Variants in WWOX observed in about 807,000 individuals in gnomAD.
The protein encoded by WWOX is WW domain containing oxidoreductase.
WWOX carries 69 observed loss-of-function variants against 46.2 expected under a neutral mutation model. The ratio of observed to expected loss-of-function variants is 1.49; its 90% CI spans 1.23 to 1.82. The LOEUF (loss-of-function observed/expected upper bound fraction) is 1.82. Among genes scored for constraint, WWOX ranks in the 40% most tolerant of loss-of-function variants. WWOX has a pLI of 0.00. For synonymous variants in WWOX, 359 were observed against 202.6 expected, an observed-to-expected ratio of 1.77 and a Z score of -6.56; for missense variants, 919 against 542.6, an observed-to-expected ratio of 1.69 and a Z score of -6.89.
chr16:78,369,963 T>A (rs925381789), intron 5 of WWOX, among the ~76,000 whole-genome samples: 2 of 151,722 alleles, frequency 1.3e-5, no homozygotes, highest in African/African-American at 4.8e-5. Context: ...TGAAACCCCA[T>A]CTCTACTAAA....
intron 8 of WWOX, among the ~76,000 whole-genome samples, chr16:79,152,284 G>A (rs1172008172): frequency 1.3e-5 from 2 of 152,164 alleles, no homozygotes; most frequent in African/African-American, 2.4e-5. Context: ...TGGACCATGC[G>A]ATGGGGAATG....
At chr16:78,642,882 C>T (rs998822890) in intron 8 of WWOX, among the ~76,000 whole-genome samples, 2 of 152,114 alleles carry the variant, frequency 1.3e-5, no homozygotes, top group Non-Finnish European at 1.5e-5. Context: ...AATCCTACTG[C>T]CAAATTATGG....
intron 5 of WWOX, among the ~76,000 whole-genome samples, chr16:78,320,343 A>G (rs918537065): frequency 2.6e-5 from 4 of 152,172 alleles, no homozygotes; most frequent in African/African-American, 9.7e-5. Context: ...GTCATACTAA[A>G]TTGGTTCAGA....
chr16:79,116,144 C>T (rs2049511353), intron 8 of WWOX, among the ~76,000 whole-genome samples: 1 of 152,158 alleles, frequency 6.6e-6, no homozygotes, highest in African/African-American at 2.4e-5. Context: ...AGCAAGTTGT[C>T]ATCTTTTTGC....
intron 8 of WWOX, among the ~76,000 whole-genome samples, chr16:78,979,464 A>G (rs1444757770): frequency 2.0e-5 from 3 of 152,144 alleles, no homozygotes; most frequent in Non-Finnish European, 4.4e-5. Context: ...AGGTGCTCAG[A>G]TATGGTGGCC....
intron 8 of WWOX, among the ~76,000 whole-genome samples, chr16:78,745,414 GT>G (rs2049325381): frequency 6.6e-6 from 1 of 151,434 alleles, no homozygotes; most frequent in Non-Finnish European, 1.5e-5. Context: ...CTCTCCCTGT[GT>G]CATGCCTGTT....
At chr16:78,316,155 G>T (rs907354781) in intron 5 of WWOX, among the ~76,000 whole-genome samples, 1 of 152,064 alleles carries the variant, frequency 6.6e-6, no homozygotes. Context: ...TGGGTCAGGA[G>T]AATCGCCTTG....
intron 8 of WWOX, among the ~76,000 whole-genome samples, chr16:78,744,742 T>C (rs915833814): frequency 6.6e-6 from 1 of 152,166 alleles, no homozygotes; most frequent in Non-Finnish European, 1.5e-5. Flanking sequence ...ATTACCAGCC[T>C]GCACTGCATT....
chr16:78,238,484 A>G (rs2037516418), intron 5 of WWOX, among the ~76,000 whole-genome samples: 1 of 152,074 alleles, frequency 6.6e-6, no homozygotes, highest in African/African-American at 2.4e-5. Flanking sequence ...GTCTTTGTAG[A>G]GATGCGGTTT....
At chr16:78,407,588 C>T (rs921999677) in intron 6 of WWOX, among the ~76,000 whole-genome samples, 1 of 152,188 alleles carries the variant, frequency 6.6e-6, no homozygotes, top group Non-Finnish European at 1.5e-5. Flanking sequence ...TTTCTCATCT[C>T]AGGTTTGAAA....
chr16:78,864,761 T>TTG (rs1388434224), intron 8 of WWOX, among the ~76,000 whole-genome samples: 10 of 73,354 alleles, frequency 1.4e-4, no homozygotes, highest in Non-Finnish European at 2.8e-4. Context: ...CTCCTTTTTT[T>TTG]TTTTTTTTTT....
intron 8 of WWOX, among the ~76,000 whole-genome samples, chr16:78,641,939 C>CA: frequency 6.6e-6 from 1 of 151,890 alleles, no homozygotes; most frequent in African/African-American, 2.4e-5. Context: ...ATCGCAGACA[C>CA]GGAAAAAAGG....
chr16:78,539,617 G>A (rs1320919524), intron 8 of WWOX, among the ~76,000 whole-genome samples: 4 of 152,210 alleles, frequency 2.6e-5, no homozygotes, highest in African/African-American at 7.2e-5. Context: ...TCTCTTCCAC[G>A]TGTGGACAGA....
chr16:78,163,252 T>C (rs2034857326), intron 4 of WWOX, among the ~76,000 whole-genome samples: 2 of 152,338 alleles, frequency 1.3e-5, no homozygotes, highest in South Asian at 4.1e-4. Flanking sequence ...CTCTTGCTTC[T>C]GGAAATTGGA....
intron 8 of WWOX, among the ~76,000 whole-genome samples, chr16:78,654,982 C>T (rs57697380): frequency 6.6e-6 from 1 of 152,048 alleles, no homozygotes; most frequent in Non-Finnish European, 1.5e-5. Context: ...AAAATGAGCA[C>T]CACCACATCC....
At position 78,518,452 on chromosome 16, in the gene WWOX, C is replaced by G. The variant is rs188730983; in HGVS notation, c.1056+85700C>G. ...GCCAGGTTGGTCGTGAACTCCTGAC[C>G]TCAAGTGATCTGTCCGCCTCGGCCT... On this transcript the variant is annotated intron_variant, in intron 8 of 8. Transcript: ENST00000566780. Among the ~76,000 whole-genome samples, 3 of 152,190 alleles carry G rather than the reference C, an allele frequency of 2.0e-5. No individual in the cohort carries two copies. In the East Asian group the frequency reaches 5.8e-4, roughly 29 times the overall value.
intron 8 of WWOX, among the ~76,000 whole-genome samples, chr16:78,984,311 T>G (rs2046742691): frequency 6.6e-6 from 1 of 152,054 alleles, no homozygotes; most frequent in South Asian, 2.1e-4. Context: ...TAATTGCAAG[T>G]CCCCCACCTC....
At chr16:78,652,714 T>A (rs924401710) in intron 8 of WWOX, among the ~76,000 whole-genome samples, 1 of 152,168 alleles carries the variant, frequency 6.6e-6, no homozygotes, top group Non-Finnish European at 1.5e-5. Context: ...CCAAATTTGT[T>A]CTTTTCAGAT....
At chr16:78,791,510 C>G (rs896293172) in intron 8 of WWOX, among the ~76,000 whole-genome samples, 26 of 152,118 alleles carry the variant, frequency 1.7e-4, no homozygotes, top group African/African-American at 5.6e-4. Context: ...TGGCCTTTCT[C>G]TTGTGTTCCC....
Sources: allele counts gnomAD v4.1 joint callset (sites outside exome capture counted in the v4.1 genomes callset), GRCh38; gene constraint gnomAD v4.1.1; transcripts MANE v1.5; gene names NCBI Gene and HGNC (gene_info 2026-07-23, HGNC 2026-07-21).